The following ZBTB20 variants were observed in gnomAD, a reference collection of about 807,000 sequenced individuals.
The protein encoded by ZBTB20 is zinc finger and BTB domain containing 20, also known as zinc finger and BTB domain-containing protein 20.
A neutral mutation model predicts 56.9 loss-of-function variants in ZBTB20; 9 were observed. The ratio of observed to expected loss-of-function variants is 0.16; its 90% CI spans 0.10 to 0.28. The LOEUF (loss-of-function observed/expected upper bound fraction) is 0.28, where lower values mean the gene tolerates loss of function less well. ZBTB20 is among the 10% of genes least tolerant of loss of function. The pLI is 1.00. For synonymous variants in ZBTB20, 417 were observed against 420.7 expected, an observed-to-expected ratio of 0.99 and a Z score of 0.11; for missense variants, 655 against 1,003.0, an observed-to-expected ratio of 0.65 and a Z score of 4.69.
chr3:115,053,614 T>C (rs1381500259), intron 2 of ZBTB20, among the ~76,000 whole-genome samples: 3 of 152,112 alleles, frequency 2.0e-5, no homozygotes, highest in Admixed American at 6.5e-5. Context: ...AGTATGTGTA[T>C]ATTAACTCAC....
intron 5 of ZBTB20, among the ~76,000 whole-genome samples, chr3:114,706,404 T>C (rs2063719528): frequency 6.6e-6 from 1 of 152,180 alleles, no homozygotes; most frequent in Non-Finnish European, 1.5e-5. Flanking sequence ...TTTTTATGCT[T>C]TTTTAATCAA....
intron 2 of ZBTB20, among the ~76,000 whole-genome samples, chr3:114,985,910 A>G (rs764225048): frequency 2.6e-5 from 4 of 152,118 alleles, no homozygotes; most frequent in Admixed American, 6.6e-5. Context: ...CAATTCTGCT[A>G]CTATAGTCTG....
In ZBTB20 at chr3:114,362,423, C is replaced by T. The variant is rs553376807; in HGVS notation, c.200-10545G>A. On this transcript the variant is annotated intron_variant, in intron 10 of 11. Transcript: ENST00000675478. ...GTGAGTGCTTGTTTGGTCAGCTCTT[C>T]GCTACACTTCACAAACAAGTGGGAA... Among the ~76,000 whole-genome samples, 31 of 152,242 alleles carry T rather than the reference C, an allele frequency of 2.0e-4. No homozygotes were observed. In the East Asian group the frequency reaches 2.3e-3, roughly 11 times the overall value.
intron 2 of ZBTB20, among the ~76,000 whole-genome samples, chr3:115,022,126 A>G (rs55908038): frequency 0.09 from 13,593 of 150,658 alleles, 1,778 homozygotes; most frequent in African/African-American, 0.29. Context: ...AATTTTGAAA[A>G]TTTAGGATAC....
chr3:114,575,850 G>T (rs1448608353), intron 6 of ZBTB20, among the ~76,000 whole-genome samples: 2 of 152,158 alleles, frequency 1.3e-5, no homozygotes, highest in African/African-American at 4.8e-5. Flanking sequence ...GCCATGAATG[G>T]ACCTAACTTT....
chr3:114,488,254 T>C (rs1411323116), intron 7 of ZBTB20, among the ~76,000 whole-genome samples: 3 of 152,214 alleles, frequency 2.0e-5, no homozygotes, highest in Non-Finnish European at 4.4e-5. Context: ...CTTGGAGGAC[T>C]TCAGGGAGCA....
At chr3:115,140,524 T>G (rs1301292290) in intron 1 of ZBTB20, among the ~76,000 whole-genome samples, 1 of 151,982 alleles carries the variant, frequency 6.6e-6, no homozygotes, top group African/African-American at 2.4e-5. Context: ...ACTGAAAATG[T>G]GTGTGAGTGC....
At chr3:114,808,560 C>G (rs537538885) in intron 4 of ZBTB20, among the ~76,000 whole-genome samples, 1 of 151,966 alleles carries the variant, frequency 6.6e-6, no homozygotes, top group East Asian at 1.9e-4. Context: ...CTGTCATCTT[C>G]TCTCCTTTTT....
chr3:114,631,281 T>G (rs1489197693), intron 6 of ZBTB20, among the ~76,000 whole-genome samples: 1 of 151,920 alleles, frequency 6.6e-6, no homozygotes, highest in Non-Finnish European at 1.5e-5. Flanking sequence ...TTATCATTTT[T>G]CCTTTCTCTT....
At chr3:114,744,442 T>C (rs2066873408) in intron 5 of ZBTB20, among the ~76,000 whole-genome samples, 2 of 152,178 alleles carry the variant, frequency 1.3e-5, no homozygotes, top group African/African-American at 4.8e-5. Context: ...TAGGAGATGC[T>C]TTAGGGTGTT....
At chr3:114,371,524 C>CT (rs1334873252) in intron 10 of ZBTB20, among the ~76,000 whole-genome samples, 1 of 152,324 alleles carries the variant, frequency 6.6e-6, no homozygotes, top group East Asian at 1.9e-4. Flanking sequence ...CTACAAGACT[C>CT]TAAGTCTCTG....
At chr3:115,138,088 G>T (rs763188218) in intron 1 of ZBTB20, among the ~76,000 whole-genome samples, 1 of 152,066 alleles carries the variant, frequency 6.6e-6, no homozygotes, top group African/African-American at 2.4e-5. Context: ...CATAGGATTT[G>T]CTACCCTTTG....
At chr3:115,147,084 C>T in intron 1 of ZBTB20, 135 bp downstream of exon 1, 1 of 146,484 alleles carries the variant, frequency 6.8e-6, no homozygotes, top group East Asian at 2.1e-4. Context: ...CCCCCAACCC[C>T]ACCCCGCTCC....
intron 7 of ZBTB20, among the ~76,000 whole-genome samples, chr3:114,459,836 T>C (rs1418139073): frequency 6.6e-6 from 1 of 152,092 alleles, no homozygotes; most frequent in Non-Finnish European, 1.5e-5. Context: ...TTAGAAAACA[T>C]GTTTTAAATT....
intron 2 of ZBTB20, among the ~76,000 whole-genome samples, chr3:115,002,877 T>C (rs1270647791): frequency 6.6e-6 from 1 of 151,640 alleles, no homozygotes; most frequent in African/African-American, 2.4e-5. Context: ...AGCAGCCCAA[T>C]TTATAATTGC....
chr3:114,522,925 C>G (rs1452572294), intron 6 of ZBTB20, among the ~76,000 whole-genome samples: 1 of 152,062 alleles, frequency 6.6e-6, no homozygotes. Flanking sequence ...ATATGTGAGC[C>G]TAGAATTCTG....
rs66470152 is a variant in ZBTB20, at chr3:114,631,382, C to CTTTTTTTTTTTTTTTTTT, written c.-295+62128_-295+62145dup. Among the ~76,000 whole-genome samples, 5 of 49,828 alleles carry CTTTTTTTTTTTTTTTTTT rather than the reference C, an allele frequency of 1.0e-4. 2 individuals are homozygous for CTTTTTTTTTTTTTTTTTT. The highest frequency in any genetic ancestry group is 1.5e-3 in the East Asian group (2 of 1,294). 32.7% of individuals were successfully genotyped at this position (49,828 alleles called of 152,430 possible). ...TGGGGTGGCTCTTAAATAGGTTATT[C>CTTTTTTTTTTTTTTTTTT]TTTTTTTTTTTTTTTTTTTTTTTTT... On this transcript the variant is annotated intron_variant, in intron 6 of 11. Coordinates refer to ENST00000675478, the MANE Select transcript of ZBTB20 (RefSeq NM_001348800.3).
intron 4 of ZBTB20, among the ~76,000 whole-genome samples, chr3:114,884,087 G>A (rs1487539515): frequency 2.0e-5 from 3 of 149,810 alleles, no homozygotes; most frequent in African/African-American, 4.9e-5. Flanking sequence ...CACTACGCCC[G>A]GCTAATTTTT....
chr3:114,837,438 C>T (rs758449583), intron 4 of ZBTB20, among the ~76,000 whole-genome samples: 3 of 152,092 alleles, frequency 2.0e-5, no homozygotes, highest in Admixed American at 6.6e-5. Flanking sequence ...AATCTGGGCT[C>T]AGTATAGGTA....
Sources: gnomAD v4.1 joint callset for allele counts (sites outside exome capture counted in the v4.1 genomes callset) on GRCh38, gnomAD v4.1.1 for gene constraint, MANE v1.5 for transcripts, NCBI Gene and HGNC (gene_info 2026-07-23, HGNC 2026-07-21) for gene names.